Variants in STAC observed in about 807,000 individuals in gnomAD.
The protein encoded by STAC is SH3 and cysteine rich domain, also known as SH3 and cysteine-rich domain-containing protein.
STAC carries 43 observed loss-of-function variants against 48.8 expected under a neutral mutation model. The ratio of observed to expected loss-of-function variants is 0.88; its 90% CI spans 0.69 to 1.14. STAC has a LOEUF of 1.14. Among genes scored for constraint, STAC ranks in the 50% most tolerant of loss-of-function variants. STAC has a pLI of 0.00. For synonymous variants in STAC, 193 were observed against 179.5 expected (o/e 1.07, Z -0.60); for missense variants, 497 against 504.0 (o/e 0.99, Z 0.13).
At chr3:36,424,638 A>G (rs908674585) in intron 1 of STAC, among the ~76,000 whole-genome samples, 2 of 152,130 alleles carry the variant, frequency 1.3e-5, no homozygotes, top group African/African-American at 2.4e-5. Context: ...TTGCAAGAAC[A>G]GGACAGGAAA....
At chr3:36,501,336 A>G (rs533010014) in intron 6 of STAC, among the ~76,000 whole-genome samples, 1 of 152,296 alleles carries the variant, frequency 6.6e-6, no homozygotes, top group East Asian at 1.9e-4. Context: ...AGGCAATAAT[A>G]AAGACAAGAG....
intron 10 of STAC, among the ~76,000 whole-genome samples, chr3:36,538,561 C>T (rs1202238842): frequency 2.6e-5 from 4 of 152,176 alleles, no homozygotes; most frequent in African/African-American, 9.7e-5. Flanking sequence ...AAGACGTGTA[C>T]AATTCTTGAT....
intron 1 of STAC, among the ~76,000 whole-genome samples, chr3:36,436,610 T>C (rs1700840399): frequency 6.6e-6 from 1 of 152,218 alleles, no homozygotes. Context: ...CATGTCTCTG[T>C]TCCATTGTCA....
chr3:36,519,326 T>C (rs1033485263), intron 8 of STAC, among the ~76,000 whole-genome samples: 1 of 152,218 alleles, frequency 6.6e-6, no homozygotes, highest in Non-Finnish European at 1.5e-5. Context: ...GTTTAGCTCA[T>C]ATTCCAGTGA....
intron 3 of STAC, among the ~76,000 whole-genome samples, chr3:36,484,247 G>A (rs929644962): frequency 6.6e-6 from 1 of 152,270 alleles, no homozygotes; most frequent in East Asian, 1.9e-4. Flanking sequence ...ACAGTGTAAC[G>A]ACAAGGGACA....
chr3:36,417,431 ACACACAAACACT>A (rs780374637), intron 1 of STAC, among the ~76,000 whole-genome samples: 13 of 152,204 alleles, frequency 8.5e-5, no homozygotes, highest in East Asian at 1.9e-4. Flanking sequence ...GTACTTATAC[ACACACAAACACT>A]CACACAAACA....
chr3:36,432,048 A>G (rs6808188), intron 1 of STAC, among the ~76,000 whole-genome samples: 3,540 of 152,314 alleles, frequency 0.023, 60 homozygotes, highest in East Asian at 0.026. Flanking sequence ...GATAACAATC[A>G]TCCTGTATTG....
chr3:36,381,138 GAGT>G (rs1699502201), intron 1 of STAC, among the ~76,000 whole-genome samples: 1 of 152,112 alleles, frequency 6.6e-6, no homozygotes, highest in East Asian at 1.9e-4. Context: ...AGAAAAGCTT[GAGT>G]ACTGGGCCAG....
intron 10 of STAC, among the ~76,000 whole-genome samples, chr3:36,544,694 A>G (rs1479937565): frequency 1.3e-5 from 2 of 152,130 alleles, no homozygotes; most frequent in Non-Finnish European, 2.9e-5. Flanking sequence ...TTGTTAACAA[A>G]CATATGAAAA....
intron 1 of STAC, among the ~76,000 whole-genome samples, chr3:36,396,601 G>GA (rs2125621536): frequency 6.6e-6 from 1 of 152,266 alleles, no homozygotes; most frequent in South Asian, 2.1e-4. Context: ...TGGGGGGCAA[G>GA]AAAATGTTCC....
chr3:36,492,029 A>ATACATATATATAT (rs56111590), intron 5 of STAC, among the ~76,000 whole-genome samples: 1 of 14,438 alleles, frequency 6.9e-5, no homozygotes, highest in Non-Finnish European at 1.7e-4. Context: ...AAAAAAAAAA[A>ATACATATATATAT]AAATATATAT....
intron 1 of STAC, among the ~76,000 whole-genome samples, chr3:36,434,501 A>G (rs1700781625): frequency 2.0e-5 from 3 of 152,216 alleles, no homozygotes. Flanking sequence ...CAGAAGTAAA[A>G]GCCAGTGCAT....
chr3:36,431,678 A>G (rs908806053), intron 1 of STAC, among the ~76,000 whole-genome samples: 4 of 152,150 alleles, frequency 2.6e-5, no homozygotes, highest in African/African-American at 9.7e-5. Flanking sequence ...TTTGAGGAGG[A>G]AAAAAAGGGA....
chr3:36,412,047 C>T (rs1700206386), intron 1 of STAC, among the ~76,000 whole-genome samples: 1 of 152,114 alleles, frequency 6.6e-6, no homozygotes, highest in Non-Finnish European at 1.5e-5. Flanking sequence ...ACAGAAAAAC[C>T]TAACTTACAA....
chr3:36,424,532 C>T (rs866173187), intron 1 of STAC, among the ~76,000 whole-genome samples: 3 of 152,086 alleles, frequency 2.0e-5, no homozygotes, highest in Non-Finnish European at 4.4e-5. Context: ...ATTAATGCCA[C>T]CCCAGTAGCA....
chr3:36,523,191 T>C (rs1440583336), intron 8 of STAC, among the ~76,000 whole-genome samples: 1 of 152,242 alleles, frequency 6.6e-6, no homozygotes, highest in Non-Finnish European at 1.5e-5. Flanking sequence ...TAGTTGCTTT[T>C]GTTATTTTAT....
chr3:36,432,918 C>T (rs1291047037), intron 1 of STAC, among the ~76,000 whole-genome samples: 1 of 152,102 alleles, frequency 6.6e-6, no homozygotes, highest in Admixed American at 6.5e-5. Context: ...CGTGTAAAGT[C>T]CTTAGGATAG....
At chr3:36,431,070 A>G (rs550669211) in intron 1 of STAC, among the ~76,000 whole-genome samples, 20 of 152,354 alleles carry the variant, frequency 1.3e-4, no homozygotes, top group African/African-American at 4.8e-4. Flanking sequence ...AACCTAGCAT[A>G]GTACTGAATG....
intron 1 of STAC, among the ~76,000 whole-genome samples, chr3:36,441,347 T>C (rs1333319087): frequency 6.6e-6 from 1 of 152,204 alleles, no homozygotes; most frequent in East Asian, 1.9e-4. Flanking sequence ...ATGCAGCATT[T>C]AACTTTCTTT....
Sources: gnomAD v4.1 joint callset for allele counts (sites outside exome capture counted in the v4.1 genomes callset) on GRCh38, gnomAD v4.1.1 for gene constraint, MANE v1.5 for transcripts, NCBI Gene and HGNC (gene_info 2026-07-23, HGNC 2026-07-21) for gene names.